CNBD1: variants seen among roughly 807,000 people sequenced by gnomAD.
CNBD1 encodes cyclic nucleotide-binding domain-containing protein 1.
Under a neutral mutation model 54.4 loss-of-function variants are expected in CNBD1, and 71 were observed. The ratio of observed to expected loss-of-function variants is 1.30; its 90% CI spans 1.08 to 1.59. CNBD1 has a LOEUF of 1.59. CNBD1 is among the 40% of genes most tolerant of loss of function. The probability of loss-of-function intolerance (pLI) is 0.00; values close to 1 mark genes in which losing one functional copy is unlikely to be tolerated. For missense variants in CNBD1, 659 were observed against 518.0 expected (o/e 1.27, Z -2.64); for synonymous variants, 182 against 170.7 (o/e 1.07, Z -0.51).
At chr8:86,906,922 A>G (rs537473034) in intron 3 of CNBD1, among the ~76,000 whole-genome samples, 1 of 152,380 alleles carries the variant, frequency 6.6e-6, no homozygotes, top group South Asian at 2.1e-4. Flanking sequence ...CAAATACACA[A>G]GAACTAGGAC....
chr8:87,425,867 G>A (rs1362786642), intron 2 of CNBD1, among the ~76,000 whole-genome samples: 1 of 152,156 alleles, frequency 6.6e-6, no homozygotes, highest in Non-Finnish European at 1.5e-5. Context: ...CTTCCCAGCT[G>A]CTTTGTTTAC....
At chr8:87,426,464 T>C (rs1808052851) in intron 2 of CNBD1, among the ~76,000 whole-genome samples, 1 of 152,224 alleles carries the variant, frequency 6.6e-6, no homozygotes, top group South Asian at 2.1e-4. Context: ...TCCTACAGTT[T>C]CACAACCATA....
At chr8:87,226,898 A>G (rs150603563) in intron 5 of CNBD1, among the ~76,000 whole-genome samples, 10,069 of 149,310 alleles carry the variant, frequency 0.067, 1,111 homozygotes, top group African/African-American at 0.23. Flanking sequence ...GGTCACTCAG[A>G]ACTTGCTTTA....
intron 4 of CNBD1, among the ~76,000 whole-genome samples, chr8:87,186,552 C>A (rs1813479926): frequency 6.6e-6 from 1 of 152,068 alleles, no homozygotes; most frequent in Admixed American, 6.5e-5. Context: ...TGAGAGAATT[C>A]TTCTAAAGAC....
chr8:86,985,186 A>G (rs886912121), intron 4 of CNBD1, among the ~76,000 whole-genome samples: 1 of 152,062 alleles, frequency 6.6e-6, no homozygotes, highest in African/African-American at 2.4e-5. Flanking sequence ...CATGCCTTTC[A>G]CCTTCTGCCA....
chr8:86,970,677 G>T (rs981629164), intron 4 of CNBD1, among the ~76,000 whole-genome samples: 1 of 152,050 alleles, frequency 6.6e-6, no homozygotes, highest in African/African-American at 2.4e-5. Context: ...GTAGTGTTTA[G>T]CTTCCTCTTA....
At chr8:86,923,778 T>C (rs757499677) in intron 3 of CNBD1, among the ~76,000 whole-genome samples, 3 of 152,178 alleles carry the variant, frequency 2.0e-5, no homozygotes, top group Non-Finnish European at 4.4e-5. Context: ...GTTGGATTCA[T>C]TTCTGGGTAA....
chr8:87,016,251 A>T (rs1291838698), intron 4 of CNBD1, among the ~76,000 whole-genome samples: 1 of 151,870 alleles, frequency 6.6e-6, no homozygotes, highest in Non-Finnish European at 1.5e-5. Context: ...GTCATGTTTA[A>T]ACCTTCAGGA....
intron 4 of CNBD1, among the ~76,000 whole-genome samples, chr8:87,080,165 G>A (rs924111133): frequency 7.9e-5 from 12 of 152,134 alleles, no homozygotes; most frequent in African/African-American, 2.9e-4. Flanking sequence ...GTCCTTTCAT[G>A]AATACCACAT....
intron 4 of CNBD1, among the ~76,000 whole-genome samples, chr8:87,010,260 C>T (rs1305002574): frequency 1.3e-5 from 2 of 152,214 alleles, no homozygotes; most frequent in East Asian, 3.9e-4. Flanking sequence ...GATGTATAGA[C>T]AATGGTTCAT....
intron 4 of CNBD1, among the ~76,000 whole-genome samples, chr8:86,958,056 A>T (rs1043589536): frequency 6.6e-6 from 1 of 152,174 alleles, no homozygotes. Flanking sequence ...TTCAAAGAAT[A>T]TCTTTATTTC....
intron 4 of CNBD1, among the ~76,000 whole-genome samples, chr8:87,050,430 C>T (rs1490429068): frequency 1.3e-5 from 2 of 152,142 alleles, no homozygotes; most frequent in Non-Finnish European, 2.9e-5. Context: ...AGATGAGGTA[C>T]AGTGGAGAAT....
chr8:87,195,236 T>C (rs1487798390), intron 4 of CNBD1, among the ~76,000 whole-genome samples: 1 of 150,132 alleles, frequency 6.7e-6, no homozygotes, highest in Non-Finnish European at 1.5e-5. Context: ...TTTTTTTTTT[T>C]TTTTTTTTCT....
rs758873349 is a variant in CNBD1, at chr8:87,308,620, A to G, written c.1042+21949A>G. ...ACATTTCAAATCTTCTCTTCCAGCT[A>G]TTTTGAAATATACAGTATATTGTTG... On this transcript the variant is annotated intron_variant, in intron 8 of 10. Transcript: ENST00000518476. Among the ~76,000 whole-genome samples, 120 of 152,236 alleles carry G rather than the reference A, an allele frequency of 7.9e-4. 1 individual carries two copies. The highest frequency in any genetic ancestry group is 1.5e-3 in the Non-Finnish European group (103 of 68,002).
intron 4 of CNBD1, among the ~76,000 whole-genome samples, chr8:87,097,441 A>G (rs1028906080): frequency 1.3e-5 from 2 of 152,302 alleles, no homozygotes; most frequent in Middle Eastern, 6.8e-3. Context: ...GTCTTTTCAT[A>G]TAAAATACTT....
At chr8:86,895,253 G>GGGGT (rs149706842) in intron 2 of CNBD1, among the ~76,000 whole-genome samples, 1 of 144,820 alleles carries the variant, frequency 6.9e-6, no homozygotes, top group Non-Finnish European at 1.5e-5. Context: ...GTGTGTGCAT[G>GGGGT]GTGTGTGTGT....
intron 4 of CNBD1, among the ~76,000 whole-genome samples, chr8:86,963,717 G>A (rs746100131): frequency 7.9e-5 from 12 of 152,152 alleles, no homozygotes; most frequent in Non-Finnish European, 1.5e-4. Flanking sequence ...ACCTAGGTTG[G>A]AGAAGAGAAC....
intron 8 of CNBD1, among the ~76,000 whole-genome samples, chr8:87,340,199 A>G (rs1181489135): frequency 6.6e-6 from 1 of 152,188 alleles, no homozygotes; most frequent in Non-Finnish European, 1.5e-5. Flanking sequence ...TGAATATGTT[A>G]TATCTTCTTC....
intron 6 of CNBD1, among the ~76,000 whole-genome samples, chr8:87,242,685 T>G (rs1758945536): frequency 6.6e-6 from 1 of 152,176 alleles, no homozygotes; most frequent in Non-Finnish European, 1.5e-5. Context: ...AAGCTGTAGT[T>G]CAACCACCTT....
Sources: gnomAD v4.1 joint callset for allele counts (sites outside exome capture counted in the v4.1 genomes callset) on GRCh38, gnomAD v4.1.1 for gene constraint, MANE v1.5 for transcripts, NCBI Gene and HGNC (gene_info 2026-07-23, HGNC 2026-07-21) for gene names.